The following FHOD3 variants were observed in gnomAD, a reference collection of about 807,000 sequenced individuals.
The protein encoded by FHOD3 is formin homology 2 domain containing 3.
Under a neutral mutation model 173.0 loss-of-function variants are expected in FHOD3, and 90 were observed. The ratio of observed to expected loss-of-function variants is 0.52; its 90% confidence interval spans 0.44 to 0.62. The LOEUF is 0.62. Among genes scored for constraint, FHOD3 ranks in the 20% least tolerant of loss-of-function variants. FHOD3 has a pLI of 0.00. For synonymous variants in FHOD3, 828 were observed against 823.0 expected (o/e 1.01, Z -0.10); for missense variants, 1,945 against 2,034.7 (o/e 0.96, Z 0.85).
chr18:36,700,103 G>T (rs1427269609), intron 17 of FHOD3, among the ~76,000 whole-genome samples: 1 of 152,106 alleles, frequency 6.6e-6, no homozygotes. Flanking sequence ...ACTACGTGGT[G>T]GGTTTTTCTG....
chr18:36,766,403 T>A (rs931603976), intron 27 of FHOD3, among the ~76,000 whole-genome samples: 3 of 152,188 alleles, frequency 2.0e-5, no homozygotes, highest in African/African-American at 7.2e-5. Context: ...AAAAGTAAAG[T>A]GGTATTGTGC....
intron 27 of FHOD3, among the ~76,000 whole-genome samples, chr18:36,768,135 A>G (rs1243282065): frequency 6.6e-6 from 1 of 152,246 alleles, no homozygotes; most frequent in East Asian, 1.9e-4. Context: ...GTTGTTGTGC[A>G]TCTACTATAA....
chr18:36,532,187 A>G (rs779691020), intron 5 of FHOD3, among the ~76,000 whole-genome samples: 1 of 152,184 alleles, frequency 6.6e-6, no homozygotes, highest in Non-Finnish European at 1.5e-5. Context: ...GAACATCAGC[A>G]AGGCTCTGTG....
At chr18:36,707,482 A>T (rs2039947654) in intron 17 of FHOD3, among the ~76,000 whole-genome samples, 1 of 152,204 alleles carries the variant, frequency 6.6e-6, no homozygotes. Context: ...AGGAAAGGTG[A>T]CATTTCATCT....
At chr18:36,680,621 G>A (rs933595842) in intron 14 of FHOD3, among the ~76,000 whole-genome samples, 1 of 152,184 alleles carries the variant, frequency 6.6e-6, no homozygotes, top group Admixed American at 6.5e-5. Context: ...TACTCACCCT[G>A]TGGTTTCTCT....
intron 8 of FHOD3, among the ~76,000 whole-genome samples, chr18:36,605,152 T>C (rs1202144371): frequency 1.3e-5 from 2 of 152,244 alleles, no homozygotes; most frequent in African/African-American, 4.8e-5. Flanking sequence ...GAAGCAATTT[T>C]CTGTTGGTTT....
intron 14 of FHOD3, among the ~76,000 whole-genome samples, chr18:36,661,684 C>T (rs1169226429): frequency 1.3e-5 from 2 of 152,122 alleles, no homozygotes; most frequent in Non-Finnish European, 2.9e-5. Flanking sequence ...TCCATTTCTT[C>T]CCCAACAAGT....
chr18:36,659,806 GGGAA>G (rs2149205440), intron 14 of FHOD3, among the ~76,000 whole-genome samples: 1 of 152,310 alleles, frequency 6.6e-6, no homozygotes, highest in Admixed American at 6.5e-5. Context: ...GGTTCTGAAA[GGGAA>G]GCCCCAACCT....
intron 5 of FHOD3, among the ~76,000 whole-genome samples, chr18:36,553,446 T>C (rs527917280): frequency 5.9e-5 from 9 of 152,306 alleles, no homozygotes; most frequent in Admixed American, 1.3e-4. Context: ...ATCCATCTGG[T>C]CATGGGCTTT....
chr18:36,455,155 C>T (rs1236300162), intron 3 of FHOD3, among the ~76,000 whole-genome samples: 2 of 152,200 alleles, frequency 1.3e-5, no homozygotes, highest in Non-Finnish European at 2.9e-5. Flanking sequence ...CCATGTTAAA[C>T]TCAAAGTCAC....
chr18:36,512,837 G>A (rs2055736208), intron 5 of FHOD3, among the ~76,000 whole-genome samples: 1 of 152,152 alleles, frequency 6.6e-6, no homozygotes, highest in African/African-American at 2.4e-5. Context: ...TGTCCAGGAA[G>A]GAGACATACT....
chr18:36,721,289 A>G (rs2040774107), intron 19 of FHOD3, among the ~76,000 whole-genome samples: 1 of 152,240 alleles, frequency 6.6e-6, no homozygotes. Flanking sequence ...AAATGTGAAC[A>G]GGAGCTACTT....
At chr18:36,427,271 C>G (rs555018976) in intron 3 of FHOD3, among the ~76,000 whole-genome samples, 5 of 127,414 alleles carry the variant, frequency 3.9e-5, no homozygotes, top group Admixed American at 1.9e-4. Context: ...AAAACTAGAA[C>G]TGATCTTGCT....
intron 10 of FHOD3, among the ~76,000 whole-genome samples, chr18:36,627,090 T>C (rs2034166713): frequency 1.3e-5 from 2 of 152,222 alleles, no homozygotes; most frequent in African/African-American, 4.8e-5. Context: ...CTTCTAAACA[T>C]ATTAAGGAAA....
chr18:36,555,095 C>A (rs1484523030), intron 5 of FHOD3, among the ~76,000 whole-genome samples: 1 of 151,992 alleles, frequency 6.6e-6, no homozygotes, highest in Non-Finnish European at 1.5e-5. Flanking sequence ...TGGGATTAAC[C>A]AGCTCTTATT....
At chr18:36,557,871 C>A (rs1274199587) in intron 5 of FHOD3, among the ~76,000 whole-genome samples, 1 of 152,032 alleles carries the variant, frequency 6.6e-6, no homozygotes, top group Non-Finnish European at 1.5e-5. Context: ...ACAGTTTGAT[C>A]CTTTAAGGTA....
At chr18:36,440,114 A>G (rs1048936695) in intron 3 of FHOD3, among the ~76,000 whole-genome samples, 1 of 152,232 alleles carries the variant, frequency 6.6e-6, no homozygotes, top group African/African-American at 2.4e-5. Context: ...GTGATGTTTT[A>G]GTAGGTCTGT....
chr18:36,714,984 G>C (rs1408306370), intron 18 of FHOD3, among the ~76,000 whole-genome samples: 3 of 152,148 alleles, frequency 2.0e-5, no homozygotes, highest in Non-Finnish European at 2.9e-5. Context: ...GTTTGAGGGG[G>C]ATGTTCCTTC....
At chr18:36,653,518 GACA>G in intron 13 of FHOD3, 102 bp downstream of exon 13, 3 of 837,102 alleles carry the variant, frequency 3.6e-6, no homozygotes, top group Non-Finnish European at 5.6e-6. Flanking sequence ...CCTACAACGT[GACA>G]CACAATTACA....
Sources: gnomAD v4.1 joint callset for allele counts (sites outside exome capture counted in the v4.1 genomes callset) on GRCh38, gnomAD v4.1.1 for gene constraint, MANE v1.5 for transcripts, NCBI Gene and HGNC (gene_info 2026-07-23, HGNC 2026-07-21) for gene names.